LRRC37A2: variants seen among roughly 807,000 people sequenced by gnomAD.
LRRC37A2 encodes the protein leucine rich repeat containing 37 member A2.
Under a neutral mutation model 68.8 loss-of-function variants are expected in LRRC37A2, and 9 were observed. The observed-to-expected ratio is 0.13, with a 90% CI of 0.08 to 0.23. The LOEUF is 0.23. LRRC37A2 is among the 10% of genes least tolerant of loss of function. The pLI, the probability that LRRC37A2 is intolerant of heterozygous loss-of-function variation, is 1.00. For synonymous variants in LRRC37A2, 63 were observed against 367.6 expected (o/e 0.17, Z 9.48); for missense variants, 168 against 950.4 (o/e 0.18, Z 10.82).
the LRRC37A2 span, among the ~76,000 whole-genome samples, chr17:46,974,253 G>A: frequency 8.5e-5 from 13 of 152,228 alleles, no homozygotes; most frequent in Non-Finnish European, 1.5e-4. Context: ...AGGGCCAGAC[G>A]CTAGGTCTGC....
chr17:47,018,985 C>G, the LRRC37A2 span: 1 of 1,516,334 alleles, frequency 6.6e-7, no homozygotes, highest in Non-Finnish European at 9.1e-7. Context: ...CAGGATCAAG[C>G]TCAGCATCCA....
the LRRC37A2 span, among the ~76,000 whole-genome samples, chr17:46,928,618 G>A: frequency 0.013 from 2,019 of 152,246 alleles, 52 homozygotes; most frequent in African/African-American, 0.046. Context: ...ATTTCCAAAT[G>A]AGATGGCAGT....
At chr17:46,549,017 A>C in exon 10 of LRRC37A2, 1 of 1,612,356 alleles carries the variant, frequency 6.2e-7, no homozygotes, top group South Asian at 1.1e-5. Context: ...ACAAATACGA[A>C]GACGTCTAAA....
At chr17:46,490,255 A>G in the LRRC37A2 span, among the ~76,000 whole-genome samples, 2 of 151,272 alleles carry the variant, frequency 1.3e-5, no homozygotes, top group Non-Finnish European at 2.9e-5. Flanking sequence ...TAAGTAAACA[A>G]ATGAGTGTGG....
At chr17:46,810,088 C>A in the LRRC37A2 span, among the ~76,000 whole-genome samples, 1 of 148,990 alleles carries the variant, frequency 6.7e-6, no homozygotes, top group Non-Finnish European at 1.5e-5. Context: ...CTCACTGCAA[C>A]CTCCGCCTCC....
At chr17:47,000,081 T>TTAAAATAA in the LRRC37A2 span, among the ~76,000 whole-genome samples, 4 of 15,320 alleles carry the variant, frequency 2.6e-4, no homozygotes, top group African/African-American at 7.1e-4. Flanking sequence ...AAATAAAAAA[T>TTAAAATAA]AAAATAAAAT....
chr17:46,771,184 C>A, the LRRC37A2 span, among the ~76,000 whole-genome samples: 1 of 152,212 alleles, frequency 6.6e-6, no homozygotes, highest in Non-Finnish European at 1.5e-5. Context: ...CCACTTCCAA[C>A]GACGGGAGGG....
the LRRC37A2 span, among the ~76,000 whole-genome samples, chr17:46,871,364 G>C: frequency 6.6e-6 from 1 of 152,186 alleles, no homozygotes; most frequent in South Asian, 2.1e-4. Context: ...ATCTCACAGA[G>C]AGCTTCTGGG....
At chr17:46,525,859 C>T (rs1335210504) in intron 6 of LRRC37A2, among the ~76,000 whole-genome samples, 3 of 90,028 alleles carry the variant, frequency 3.3e-5, no homozygotes, top group Admixed American at 1.1e-4. Context: ...AAGGAGGAAG[C>T]GGATGCTGAT....
the LRRC37A2 span, among the ~76,000 whole-genome samples, chr17:46,928,982 TA>T: frequency 6.6e-6 from 1 of 152,082 alleles, no homozygotes; most frequent in Non-Finnish European, 1.5e-5. Flanking sequence ...TGTTTATACT[TA>T]TGTGTATTGC....
the LRRC37A2 span, among the ~76,000 whole-genome samples, chr17:46,836,223 A>T: frequency 2.6e-5 from 4 of 151,690 alleles, no homozygotes; most frequent in Non-Finnish European, 5.9e-5. Context: ...CCCCTTTCCA[A>T]GGAAGCAGCC....
chr17:46,899,760 T>G, the LRRC37A2 span, among the ~76,000 whole-genome samples: 5 of 152,096 alleles, frequency 3.3e-5, no homozygotes, highest in Non-Finnish European at 4.4e-5. Context: ...TTTAATAGGG[T>G]GAACTTTATG....
chr17:46,951,880 T>G, the LRRC37A2 span, among the ~76,000 whole-genome samples: 5 of 152,038 alleles, frequency 3.3e-5, no homozygotes, highest in Non-Finnish European at 7.3e-5. Flanking sequence ...GGTGTTTGCC[T>G]CGCTGCTTCT....
chr17:46,635,777 A>ATGTGTGTGTGTGTGTGTG, the LRRC37A2 span, among the ~76,000 whole-genome samples: 1,089 of 116,604 alleles, frequency 9.3e-3, 6 homozygotes, highest in East Asian at 0.023. Flanking sequence ...GGGAAAATAA[A>ATGTGTGTGTGTGTGTGTG]TGTGTGTGTG....
chr17:46,940,067 G>C, the LRRC37A2 span: 2 of 1,087,880 alleles, frequency 1.8e-6, no homozygotes, highest in Non-Finnish European at 2.2e-6. Flanking sequence ...GTTTCTTGTT[G>C]CTTGAACTGT....
the LRRC37A2 span, among the ~76,000 whole-genome samples, chr17:47,000,405 T>G: frequency 6.6e-6 from 1 of 151,952 alleles, no homozygotes; most frequent in Non-Finnish European, 1.5e-5. Flanking sequence ...TGGCTAATTT[T>G]TGTATTTTTA....
the LRRC37A2 span, among the ~76,000 whole-genome samples, chr17:46,971,739 G>A: frequency 6.6e-6 from 1 of 152,218 alleles, no homozygotes. Context: ...ACCCCGACCT[G>A]CCTGTATCAA....
the LRRC37A2 span, among the ~76,000 whole-genome samples, chr17:46,900,497 G>T: frequency 6.6e-6 from 1 of 152,098 alleles, no homozygotes; most frequent in Non-Finnish European, 1.5e-5. Flanking sequence ...TGATGCACCC[G>T]CCTTGGCCTC....
At chr17:46,913,764 T>A in the LRRC37A2 span, among the ~76,000 whole-genome samples, 904 of 152,300 alleles carry the variant, frequency 5.9e-3, 4 homozygotes, top group Non-Finnish European at 9.7e-3. Flanking sequence ...TTTACTTTTT[T>A]ATTTTTATTT....
Sources: gnomAD v4.1 joint callset for allele counts (sites outside exome capture counted in the v4.1 genomes callset) on GRCh38, gnomAD v4.1.1 for gene constraint, MANE v1.5 for transcripts, NCBI Gene and HGNC (gene_info 2026-07-23, HGNC 2026-07-21) for gene names.